TTC1: variants seen among roughly 807,000 people sequenced by gnomAD.
TTC1 encodes tetratricopeptide repeat protein 1.
TTC1 carries 31 observed loss-of-function variants against 37.6 expected under a neutral mutation model. The ratio of observed to expected loss-of-function variants is 0.82; its 90% confidence interval spans 0.62 to 1.11. TTC1 has a LOEUF of 1.11. TTC1 is among the 50% of genes most tolerant of loss of function. The pLI is 0.00. For missense variants in TTC1, 351 were observed against 339.0 expected (o/e 1.04, Z -0.28); for synonymous variants, 127 against 122.4 (o/e 1.04, Z -0.25).
intron 2 of TTC1, chr5:160,024,071 G>A (rs1756760437): frequency 9.6e-7 from 1 of 1,046,732 alleles, no homozygotes; most frequent in Admixed American, 1.7e-5. Context: ...TAGCATGTAA[G>A]TGTGGGGGGA....
intron 5 of TTC1, among the ~76,000 whole-genome samples, chr5:160,043,985 GT>G (rs1757150706): frequency 6.6e-6 from 1 of 152,030 alleles, no homozygotes. Flanking sequence ...GTTTTGTTTT[GT>G]TTTTCAAAAA....
At position 160,016,286 on chromosome 5, in the gene TTC1, G is replaced by A. The variant is rs937478647; in HGVS notation, c.330+5428G>A. Among the ~76,000 whole-genome samples the A allele has an allele frequency of 5.3e-5, 8 of 152,274 alleles. No homozygotes were observed. In the East Asian group the frequency reaches 9.7e-4, roughly 18 times the overall value. Reference sequence around the variant, plus strand: ...CCAGCTACTTAGAAGGCTGAGGCACGAGAATTGCTTGAACCTAGGAGGCGG... The same window carrying A: ...CCAGCTACTTAGAAGGCTGAGGCACAAGAATTGCTTGAACCTAGGAGGCGG... On this transcript the variant is annotated intron_variant, in intron 2 of 7. Coordinates refer to ENST00000231238, the MANE Select transcript of TTC1 (RefSeq NM_003314.3).
chr5:160,047,640 A>G (rs1245395985), intron 5 of TTC1, among the ~76,000 whole-genome samples: 1 of 152,162 alleles, frequency 6.6e-6, no homozygotes, highest in African/African-American at 2.4e-5. Context: ...TTCTCATCAC[A>G]CTGAGGAAAA....
Position 160,064,761 on chromosome 5 carries a change from A to G in TTC1, c.746-171A>G, listed in dbSNP as rs193093280. 2.8e-3 allele frequency among the ~76,000 whole-genome samples: 423 copies of G among 152,310 alleles called. 4 individuals carry two copies. The highest frequency in any genetic ancestry group is 9.8e-3 in the African/African-American group (407 of 41,574). ...AAGTGACTGCACTGCTGAGTGGGGA[A>G]TAGGGGCTGGGAACTCTCCTGGAAG... On this transcript the variant is annotated intron_variant, in intron 7 of 7. Coordinates refer to ENST00000231238, the MANE Select transcript of TTC1 (RefSeq NM_003314.3).
chr5:160,033,979 A>AGTGGTG lies in TTC1; in HGVS notation c.331-1160_331-1155dup, dbSNP rs570369610. Among the ~76,000 whole-genome samples, 18 of 152,326 alleles carry AGTGGTG rather than the reference A, an allele frequency of 1.2e-4. 1 individual carries two copies. The South Asian group carries it at 3.3e-3, about 28-fold the overall frequency. The stretch of plus-strand genomic sequence containing the variant: ...CAAGAAGGAGGAAAGAGCCCAGCAC[A>AGTGGTG]GTGGTGTGCACCTATAGTCCCATCT... On this transcript the variant is annotated intron_variant, in intron 2 of 7. Transcript: ENST00000231238.
chr5:160,025,209 A>G (rs906149912), intron 2 of TTC1, among the ~76,000 whole-genome samples: 6 of 151,894 alleles, frequency 4.0e-5, no homozygotes, highest in African/African-American at 1.4e-4. Context: ...TATATTTTTA[A>G]TAGAGATGGG....
chr5:160,024,595 C>G (rs749321566), intron 2 of TTC1, among the ~76,000 whole-genome samples: 91 of 152,062 alleles, frequency 6.0e-4, no homozygotes, highest in Non-Finnish European at 1.1e-3. Flanking sequence ...CTTACGGGCT[C>G]AAGTGATCCT....
intron 5 of TTC1, among the ~76,000 whole-genome samples, chr5:160,048,322 T>C (rs1424068942): frequency 3.3e-5 from 5 of 151,946 alleles, no homozygotes; most frequent in African/African-American, 4.8e-5. Context: ...CAGCTAATTT[T>C]TGTATTTTTA....
chr5:160,057,948 G>A lies in TTC1; in HGVS notation c.745+6765G>A, dbSNP rs891253499. Among the ~76,000 whole-genome samples the A allele has an allele frequency of 5.3e-5, 8 of 152,110 alleles. No individual in the cohort carries two copies. Among genetic ancestry groups the A allele is most frequent in the Admixed American group, 2.6e-4 (4 of 15,268 alleles). On this transcript the variant is annotated intron_variant, in intron 7 of 7. Transcript: ENST00000231238. This position sits in a 1 kb window ranked among gnomAD's most constrained non-coding sequence, Gnocchi z 4.4. ...ACACCCAGCTAATTTTTCTATTTTTGTAGAGATGGGTTTTCACCATGTTGG... is the reference window on the plus strand; with the variant it reads ...ACACCCAGCTAATTTTTCTATTTTTATAGAGATGGGTTTTCACCATGTTGG...
At chr5:160,023,092 A>G (rs1038475699) in intron 2 of TTC1, among the ~76,000 whole-genome samples, 5 of 152,178 alleles carry the variant, frequency 3.3e-5, no homozygotes, top group African/African-American at 9.6e-5. Flanking sequence ...CATCTCTACT[A>G]AAAATACAAA....
At chr5:160,053,239 T>C (rs968153144) in intron 7 of TTC1, among the ~76,000 whole-genome samples, 2 of 152,210 alleles carry the variant, frequency 1.3e-5, no homozygotes, top group African/African-American at 4.8e-5. Context: ...ATCATCTTTA[T>C]GCTAGTTCCT....
In TTC1 at chr5:160,065,299, C is replaced by T; in HGVS notation, c.*234C>T. On this transcript the variant is annotated 3_prime_UTR_variant, in exon 8 of 8. Coordinates refer to ENST00000231238, the MANE Select transcript of TTC1 (RefSeq NM_003314.3). ...AAGGTGGTGTCTGTGCAGCTGGTGT[C>T]CCCGATTCTGGCTGTCCTATGTCCA... The T allele has an allele frequency of 3.0e-6, 2 of 674,550 alleles. No individual in the cohort carries two copies. Among genetic ancestry groups the T allele is most frequent in the East Asian group, 6.5e-5 (2 of 30,844 alleles). 41.8% of individuals were successfully genotyped at this position (674,550 alleles called of 1,614,324 possible). A position where few individuals can be genotyped will look rare whatever the true frequency, so the allele number is the denominator to read the frequency against.
chr5:160,054,981 G>A (rs1340741281), intron 7 of TTC1, among the ~76,000 whole-genome samples: 1 of 152,184 alleles, frequency 6.6e-6, no homozygotes, highest in Admixed American at 6.5e-5. Flanking sequence ...GCCCTCAGGA[G>A]TCCCTTGAGA....
Position 160,032,867 on chromosome 5 carries a change from C to G in TTC1, c.331-2273C>G, listed in dbSNP as rs1030526225. Among the ~76,000 whole-genome samples the G allele has an allele frequency of 2.0e-5, 3 of 150,108 alleles. No homozygotes were observed. In the Admixed American group the frequency reaches 2.0e-4, roughly 10 times the overall value. On this transcript the variant is annotated intron_variant, in intron 2 of 7. Coordinates refer to ENST00000231238, the MANE Select transcript of TTC1 (RefSeq NM_003314.3). ...TAGCTGGGACTACAGGCGCCTGCCA[C>G]CACACCCAGCTAATTTTTTTTTTTG...
chr5:160,045,367 A>G (rs1005829062), intron 5 of TTC1, among the ~76,000 whole-genome samples: 3 of 151,882 alleles, frequency 2.0e-5, no homozygotes, highest in African/African-American at 7.3e-5. Flanking sequence ...CATGGTCATT[A>G]TGGATACATG....
intron 2 of TTC1, among the ~76,000 whole-genome samples, chr5:160,019,580 C>CTTTTTTT (rs201420281): frequency 5.5e-4 from 60 of 108,710 alleles, no homozygotes; most frequent in Non-Finnish European, 7.3e-4. Flanking sequence ...TTCTTTCATT[C>CTTTTTTT]TTTTTTTTTT....
chr5:160,016,529 C>T (rs1756608955), intron 2 of TTC1, among the ~76,000 whole-genome samples: 1 of 152,070 alleles, frequency 6.6e-6, no homozygotes, highest in African/African-American at 2.4e-5. Context: ...TATGTTTATA[C>T]ATACAAATTT....
chr5:160,048,529 A>G lies in TTC1; in HGVS notation c.542-985A>G, dbSNP rs546018159. ...AATGCAGTATGTTGAACCAAAACAT[A>G]GCAAAGGATTATTAGAAGGGCAGCT... On this transcript the variant is annotated intron_variant, in intron 5 of 7. Coordinates refer to ENST00000231238, the MANE Select transcript of TTC1 (RefSeq NM_003314.3). Among the ~76,000 whole-genome samples the G allele has an allele frequency of 9.2e-5, 14 of 152,338 alleles. No homozygotes were observed. In the East Asian group the frequency reaches 2.5e-3, roughly 27 times the overall value.
intron 2 of TTC1, among the ~76,000 whole-genome samples, chr5:160,026,138 C>T (rs1396029295): frequency 6.6e-6 from 1 of 152,144 alleles, no homozygotes; most frequent in Non-Finnish European, 1.5e-5. Context: ...ATACATTCCA[C>T]AGTGTTATAG....
Sources: gnomAD v4.1 joint callset for allele counts (sites outside exome capture counted in the v4.1 genomes callset) on GRCh38, gnomAD v4.1.1 for gene constraint, Gnocchi (gnomAD v3.1) non-coding constraint, MANE v1.5 for transcripts, NCBI Gene and HGNC (gene_info 2026-07-23, HGNC 2026-07-21) for gene names.